Variants in SLC25A12 observed in about 807,000 individuals in gnomAD.
The protein encoded by SLC25A12 is solute carrier family 25 member 12.
A neutral mutation model predicts 83.3 loss-of-function variants in SLC25A12; 32 were observed. That is an observed-to-expected ratio of 0.38 (90% confidence interval 0.29 to 0.52). SLC25A12 has a LOEUF of 0.52. SLC25A12 is among the 20% of genes least tolerant of loss of function. The pLI, the probability that SLC25A12 is intolerant of heterozygous loss-of-function variation, is 0.84. For missense variants in SLC25A12, 611 were observed against 835.6 expected, an observed-to-expected ratio of 0.73 and a Z score of 3.31; for synonymous variants, 267 against 291.1, an observed-to-expected ratio of 0.92 and a Z score of 0.84.
At chr2:171,858,917 A>G (rs569740007) in intron 3 of SLC25A12, among the ~76,000 whole-genome samples, 4 of 152,348 alleles carry the variant, frequency 2.6e-5, no homozygotes, top group Admixed American at 6.5e-5. Flanking sequence ...TTTACTAAAT[A>G]TCTACATTTT....
intron 2 of SLC25A12, among the ~76,000 whole-genome samples, chr2:171,878,225 G>A (rs573846825): frequency 6.6e-6 from 1 of 152,036 alleles, no homozygotes; most frequent in Non-Finnish European, 1.5e-5. Context: ...AGAAAACTTG[G>A]GTTCTAAACT....
chr2:171,866,243 G>A (rs1326740121), intron 3 of SLC25A12, among the ~76,000 whole-genome samples: 2 of 143,844 alleles, frequency 1.4e-5, no homozygotes, highest in Non-Finnish European at 3.1e-5. Context: ...TTTCTACACA[G>A]ACACGGCAAC....
chr2:171,874,151 G>A (rs1051335871), intron 2 of SLC25A12, among the ~76,000 whole-genome samples: 24 of 152,128 alleles, frequency 1.6e-4, no homozygotes, highest in African/African-American at 5.3e-4. Context: ...GCTTGAACCC[G>A]GGAGGCGGAG....
intron 3 of SLC25A12, among the ~76,000 whole-genome samples, chr2:171,865,667 T>A (rs1308698305): frequency 6.6e-6 from 1 of 151,006 alleles, no homozygotes; most frequent in Admixed American, 6.6e-5. Flanking sequence ...TCTCAAAAAA[T>A]ATATATATTA....
At chr2:171,817,080 G>A (rs559758003) in intron 9 of SLC25A12, among the ~76,000 whole-genome samples, 52 of 152,242 alleles carry the variant, frequency 3.4e-4, no homozygotes, top group Non-Finnish European at 5.4e-4. Flanking sequence ...GCAGCCTGCT[G>A]TCTACAGACT....
chr2:171,873,542 A>G (rs1685500647), intron 2 of SLC25A12, among the ~76,000 whole-genome samples: 1 of 152,176 alleles, frequency 6.6e-6, no homozygotes, highest in African/African-American at 2.4e-5. Flanking sequence ...ACTTTTACCT[A>G]TTGCTAATGG....
chr2:171,882,582 C>A (rs1685720143), intron 2 of SLC25A12, among the ~76,000 whole-genome samples: 1 of 152,196 alleles, frequency 6.6e-6, no homozygotes, highest in South Asian at 2.1e-4. Flanking sequence ...GCTCCTGATC[C>A]ACTCATGGCT....
chr2:171,803,827 ACACACGCGCG>A lies in SLC25A12; in HGVS notation c.1305+5769_1305+5778del, dbSNP rs375721519. Reference sequence around the variant, plus strand: ...TAAAAAAATACACACACACACACACACACACGCGCGCACACACATACTAGCAAAGATGTAG... The same window carrying A: ...TAAAAAAATACACACACACACACACACACACACATACTAGCAAAGATGTAG... On this transcript the variant is annotated intron_variant, in intron 13 of 17. Coordinates refer to ENST00000422440, the MANE Select transcript of SLC25A12 (RefSeq NM_003705.5). 4.2e-3 allele frequency among the ~76,000 whole-genome samples: 636 copies of A among 150,254 alleles called. 2 individuals are homozygous for A. The highest frequency in any genetic ancestry group is 6.9e-3 in the Non-Finnish European group (466 of 67,634).
intron 2 of SLC25A12, among the ~76,000 whole-genome samples, chr2:171,885,268 C>T (rs1376487635): frequency 1.3e-5 from 2 of 151,120 alleles, no homozygotes; most frequent in Non-Finnish European, 2.9e-5. Context: ...TTTTTCAATC[C>T]TTCTGCTTGA....
At chr2:171,867,006 G>T (rs1410349428) in intron 3 of SLC25A12, among the ~76,000 whole-genome samples, 2 of 150,174 alleles carry the variant, frequency 1.3e-5, no homozygotes, top group East Asian at 4.0e-4. Flanking sequence ...GGTCGCGGCT[G>T]GGCAGAGGCG....
At chr2:171,887,766 G>A (rs1685850556) in intron 2 of SLC25A12, among the ~76,000 whole-genome samples, 1 of 152,228 alleles carries the variant, frequency 6.6e-6, no homozygotes, top group Non-Finnish European at 1.5e-5. Context: ...GCTTAAACCA[G>A]TTGTAAAATT....
chr2:171,829,957 G>C (rs1684395157), intron 8 of SLC25A12, among the ~76,000 whole-genome samples: 1 of 152,194 alleles, frequency 6.6e-6, no homozygotes, highest in Admixed American at 6.5e-5. Context: ...GCTCTCCTTG[G>C]AGGAATGAAA....
rs545677572 is a variant in SLC25A12 at position 171,879,891 on chromosome 2, T to C, written c.67-11068A>G. On this transcript the variant is annotated intron_variant, in intron 2 of 17. Transcript: ENST00000422440. ...TAAGAAACAGATCAACCAAATGCAA[T>C]GTATGAATCTAGCTTGGATCCTGCT... 1.3e-3 allele frequency among the ~76,000 whole-genome samples: 203 copies of C among 152,298 alleles called. 1 individual carries two copies. Among genetic ancestry groups the C allele is most frequent in the African/African-American group, 4.6e-3 (190 of 41,564 alleles).
chr2:171,847,925 T>C (rs1684834018), intron 4 of SLC25A12, among the ~76,000 whole-genome samples: 1 of 152,204 alleles, frequency 6.6e-6, no homozygotes, highest in East Asian at 1.9e-4. Flanking sequence ...CGGTGACAAC[T>C]GTGATTAAGT....
At chr2:171,891,371 AC>A (rs1022700830) in intron 2 of SLC25A12, among the ~76,000 whole-genome samples, 15 of 151,754 alleles carry the variant, frequency 9.9e-5, no homozygotes, top group Non-Finnish European at 1.5e-4. Context: ...ACCCACCTCT[AC>A]CCCCACTCAA....
At chr2:171,854,740 G>C (rs1685011109) in intron 4 of SLC25A12, among the ~76,000 whole-genome samples, 1 of 152,174 alleles carries the variant, frequency 6.6e-6, no homozygotes, top group Admixed American at 6.5e-5. Context: ...TGACTGACCT[G>C]TACTTTCTCA....
At chr2:171,787,727 G>T (rs1185443271) in intron 16 of SLC25A12, 62 bp downstream of exon 16, 4 of 1,607,532 alleles carry the variant, frequency 2.5e-6, no homozygotes, top group Non-Finnish European at 3.4e-6. Context: ...GATAGCCACT[G>T]AGTCACAGGG....
chr2:171,861,185 A>G (rs1385316704), intron 3 of SLC25A12, among the ~76,000 whole-genome samples: 2 of 151,938 alleles, frequency 1.3e-5, no homozygotes, highest in Non-Finnish European at 2.9e-5. Context: ...ATGGGTGTTC[A>G]CTATAAAATT....
intron 3 of SLC25A12, 141 bp from the exon 4 acceptor site, chr2:171,856,090 G>C: frequency 1.5e-6 from 1 of 655,050 alleles, no homozygotes; most frequent in African/African-American, 1.8e-5. Context: ...AGGTACTTCA[G>C]ATAAGGAAGG....
Sources: allele counts gnomAD v4.1 joint callset (sites outside exome capture counted in the v4.1 genomes callset), GRCh38; gene constraint gnomAD v4.1.1; transcripts MANE v1.5; gene names NCBI Gene and HGNC (gene_info 2026-07-23, HGNC 2026-07-21).